The following MTMR3 variants were observed in gnomAD, a reference collection of about 807,000 sequenced individuals.
MTMR3 encodes the protein myotubularin related protein 3, also known as phosphatidylinositol-3,5-bisphosphate 3-phosphatase MTMR3.
Under a neutral mutation model 132.4 loss-of-function variants are expected in MTMR3, and 32 were observed. The ratio of observed to expected loss-of-function variants is 0.24; its 90% CI spans 0.18 to 0.32. The LOEUF is 0.32. Among genes scored for constraint, MTMR3 ranks in the 10% least tolerant of loss-of-function variants. The pLI is 1.00. For synonymous variants in MTMR3, 556 were observed against 550.3 expected, an observed-to-expected ratio of 1.01 and a Z score of -0.14; for missense variants, 1,216 against 1,489.6, an observed-to-expected ratio of 0.82 and a Z score of 3.02.
intron 1 of MTMR3, among the ~76,000 whole-genome samples, chr22:29,920,049 A>C (rs1437349056): frequency 2.6e-5 from 4 of 151,976 alleles, no homozygotes; most frequent in Non-Finnish European, 5.9e-5. Context: ...CCCTGTCTTT[A>C]CTAAAAATAT....
intron 16 of MTMR3, chr22:30,019,197 C>T (rs1017276171): frequency 4.0e-5 from 11 of 277,540 alleles, no homozygotes; most frequent in Admixed American, 2.9e-4. Context: ...AGTGAGACTC[C>T]GTCTCAAAAA....
intron 3 of MTMR3, among the ~76,000 whole-genome samples, chr22:29,972,528 A>C (rs2066555284): frequency 6.6e-6 from 1 of 152,150 alleles, no homozygotes; most frequent in South Asian, 2.1e-4. Context: ...AAGTTTTTAC[A>C]AATTCTCATT....
chr22:29,886,279 T>C (rs1407315377), intron 1 of MTMR3, among the ~76,000 whole-genome samples: 1 of 152,240 alleles, frequency 6.6e-6, no homozygotes, highest in East Asian at 1.9e-4. Context: ...GTGCTTATTG[T>C]TTGGAATTTT....
Position 30,025,737 on chromosome 22 carries a change from T to C in MTMR3, c.3533T>C (p.Leu1178Pro). Residue 1178 changes from leucine to proline, a missense_variant, in exon 20 of 20, where the codon CTA becomes CCA. Transcript: ENST00000401950. Reference sequence around the variant, plus strand: ...GTATGCAAGTCTTGCTATAGCAGCCTACATCCCACAAGCTCCAGCATTGAC... The same window carrying C: ...GTATGCAAGTCTTGCTATAGCAGCCCACATCCCACAAGCTCCAGCATTGAC... ...SRVCKSCYSS[L>P]HPTSSSIDLE... The C allele has an allele frequency of 6.2e-7, 1 of 1,614,206 alleles. No homozygotes were observed. Among genetic ancestry groups the C allele is most frequent in the Non-Finnish European group, 8.5e-7 (1 of 1,180,028 alleles).
intron 14 of MTMR3, chr22:30,014,688 T>G (rs1378743499): frequency 6.6e-6 from 1 of 152,068 alleles, no homozygotes; most frequent in African/African-American, 2.4e-5. Context: ...TTTAAAAATT[T>G]TTTGTAAATA....
intron 1 of MTMR3, among the ~76,000 whole-genome samples, chr22:29,916,340 C>G (rs2065307638): frequency 6.6e-6 from 1 of 152,160 alleles, no homozygotes; most frequent in Non-Finnish European, 1.5e-5. Flanking sequence ...GAAATCTCAC[C>G]TAATACATGT....
rs1328039492 is a variant in MTMR3 at position 30,028,725 on chromosome 22, C to T, written c.*2924C>T. ...CTCTAGGGTCACTTTCTGAATGTAC[C>T]TTCTACCTAAAGTATACAAACACAA... On this transcript the variant is annotated 3_prime_UTR_variant, in exon 20 of 20. Coordinates refer to ENST00000401950, the MANE Select transcript of MTMR3 (RefSeq NM_021090.4). 6.6e-6 allele frequency: 1 copy of T among 152,346 alleles called. No homozygotes were observed. The highest frequency in any genetic ancestry group is 1.5e-5 in the Non-Finnish European group (1 of 68,040). 9.4% of individuals were successfully genotyped at this position (152,346 alleles called of 1,614,324 possible).
At chr22:29,944,958 G>C (rs148664273) in intron 1 of MTMR3, among the ~76,000 whole-genome samples, 235 of 152,308 alleles carry the variant, frequency 1.5e-3, no homozygotes, top group African/African-American at 5.5e-3. Flanking sequence ...AATAATAGCA[G>C]ATTTCTCCAT....
At chr22:29,927,495 G>A (rs1227952582) in intron 1 of MTMR3, among the ~76,000 whole-genome samples, 8 of 152,072 alleles carry the variant, frequency 5.3e-5, no homozygotes, top group Admixed American at 2.6e-4. Flanking sequence ...TTTCTGTTTA[G>A]GTGGTCTTTA....
At chr22:29,932,878 T>C (rs1027799145) in intron 1 of MTMR3, among the ~76,000 whole-genome samples, 2 of 152,228 alleles carry the variant, frequency 1.3e-5, no homozygotes, top group Non-Finnish European at 2.9e-5. Flanking sequence ...CCTTTCTCCA[T>C]ATTTTTTCCC....
rs1018194811 is a variant in MTMR3 at position 29,886,429 on chromosome 22, G to A, written c.-138+3070G>A. On this transcript the variant is annotated intron_variant, in intron 1 of 19. Transcript: ENST00000401950. Reference sequence around the variant, plus strand: ...GCACAGTAAGTGCAAAGGTAGTATAGAATAGTGGGAAGTTCTGGATTGACA... The same window carrying A: ...GCACAGTAAGTGCAAAGGTAGTATAAAATAGTGGGAAGTTCTGGATTGACA... 4.6e-5 allele frequency among the ~76,000 whole-genome samples: 7 copies of A among 152,218 alleles called. No individual in the cohort carries two copies. In the South Asian group the frequency reaches 1.4e-3, roughly 32 times the overall value.
intron 16 of MTMR3, chr22:30,018,351 C>T (rs9608836): frequency 0.16 from 56,175 of 360,620 alleles, 4,661 homozygotes; most frequent in South Asian, 0.23. Context: ...TTCTGTGACC[C>T]CCTGGTTTGT....
At position 29,929,471 on chromosome 22, in the gene MTMR3, A is replaced by AT. The variant is rs1337963043; in HGVS notation, c.-137-27556dup. Reference sequence around the variant, plus strand: ...GTTGAACATTTGCATTTCTTTTGTAATTTTTTTTTGGTCTGTTTTTCAGGT... The same window carrying AT: ...GTTGAACATTTGCATTTCTTTTGTAATTTTTTTTTTGGTCTGTTTTTCAGGT... On this transcript the variant is annotated intron_variant, in intron 1 of 19. Transcript: ENST00000401950. Among the ~76,000 whole-genome samples, 12 of 150,348 alleles carry AT rather than the reference A, an allele frequency of 8.0e-5. No homozygotes were observed. In the South Asian group the frequency reaches 8.5e-4, roughly 11 times the overall value.
rs145809680 is a variant in MTMR3, at chr22:30,025,743, C to G, written c.3539C>G (p.Pro1180Arg). Residue 1180 changes from proline to arginine, a missense_variant, in exon 20 of 20, where the codon CCC (proline) becomes CGC (arginine). Pro to Arg is a moderately radical substitution (Grantham distance 103). Around this residue, in one of 7 missense-constraint regions of MTMR3, gnomAD observed 852 missense variants for 852.0 expected, o/e 1.00. Coordinates refer to ENST00000401950, the MANE Select transcript of MTMR3 (RefSeq NM_021090.4). ...AAGTCTTGCTATAGCAGCCTACATC[C>G]CACAAGCTCCAGCATTGACCTTGAA... is the stretch of plus-strand genomic sequence containing the variant. ...VCKSCYSSLH[P>R]TSSSIDLELD... The G allele has an allele frequency of 2.4e-5, 39 of 1,614,076 alleles. No homozygotes were observed. Among genetic ancestry groups the G allele is most frequent in the East Asian group, 4.5e-5 (2 of 44,896 alleles).
At chr22:29,945,858 C>T (rs1415992158) in intron 1 of MTMR3, among the ~76,000 whole-genome samples, 1 of 151,746 alleles carries the variant, frequency 6.6e-6, no homozygotes, top group Non-Finnish European at 1.5e-5. Context: ...AAAAGCAGTC[C>T]CAACTTGTTT....
intron 1 of MTMR3, among the ~76,000 whole-genome samples, chr22:29,934,471 G>A (rs1310780437): frequency 1.3e-5 from 2 of 152,122 alleles, no homozygotes; most frequent in Non-Finnish European, 1.5e-5. Flanking sequence ...CTATTCTAGA[G>A]CCCAATTTTT....
intron 18 of MTMR3, 120 bp from the exon 19 acceptor site, chr22:30,022,488 TG>T: frequency 2.4e-6 from 2 of 817,274 alleles, no homozygotes; most frequent in Non-Finnish European, 4.1e-6. Context: ...TCAGATCTGC[TG>T]GGCTGGTGCC....
chr22:29,890,262 A>G (rs2064770062), intron 1 of MTMR3, among the ~76,000 whole-genome samples: 1 of 151,846 alleles, frequency 6.6e-6, no homozygotes, highest in South Asian at 2.1e-4. Flanking sequence ...CATGCATGTA[A>G]TCCCAGCACT....
chr22:29,890,067 C>T (rs1250124432), intron 1 of MTMR3, among the ~76,000 whole-genome samples: 5 of 151,706 alleles, frequency 3.3e-5, no homozygotes, highest in African/African-American at 4.8e-5. Context: ...CCACCACGCC[C>T]GGCTAATTTT....
Sources: gnomAD v4.1 joint callset for allele counts (sites outside exome capture counted in the v4.1 genomes callset) on GRCh38, gnomAD v4.1.1 for gene constraint, gnomAD v4.1.1 regional missense constraint, MANE v1.5 for transcripts, NCBI Gene and HGNC (gene_info 2026-07-23, HGNC 2026-07-21) for gene names.